The following MEG3 variants were observed in gnomAD, a reference collection of about 807,000 sequenced individuals.
The protein encoded by MEG3 is Very putative protein from MEG3 locus.
chr14:100,834,433 C>T (rs529533312), exon 1 of MEG3: 1 of 276,918 alleles, frequency 3.6e-6, no homozygotes, highest in Admixed American at 4.7e-5. Flanking sequence ...TAAAAACTTT[C>T]AAAAGTTAAC....
At chr14:100,850,730 G>A (rs1054706599) in intron 3 of MEG3, 4 of 152,216 alleles carry the variant, frequency 2.6e-5, no homozygotes, top group Non-Finnish European at 2.9e-5. Flanking sequence ...ATAATGTAAC[G>A]GTCAATAAAT....
chr14:100,836,171 G>A (rs541325942), exon 2 of MEG3: 30 of 454,648 alleles, frequency 6.6e-5, no homozygotes, highest in Middle Eastern at 3.3e-4. Context: ...CCCAAGGCAC[G>A]TGGGCCGTGG....
At chr14:100,836,242 C>T (rs964428853) in exon 2 of MEG3, 12 of 456,564 alleles carry the variant, frequency 2.6e-5, no homozygotes, top group Non-Finnish European at 4.8e-5. Context: ...TGATGGGGCC[C>T]ACCATCCCGG....
At chr14:100,846,292 G>A (rs575338484) in intron 3 of MEG3, 3 of 152,214 alleles carry the variant, frequency 2.0e-5, no homozygotes, top group African/African-American at 7.2e-5. Flanking sequence ...CATTCACCAC[G>A]GTCCAGAGGG....
intron 2 of MEG3, among the ~76,000 whole-genome samples, chr14:100,839,577 C>T (rs2139966398): frequency 6.6e-6 from 1 of 152,272 alleles, no homozygotes; most frequent in African/African-American, 2.4e-5. Flanking sequence ...GGGCTGCCCA[C>T]AGGTTCTTGG....
chr14:100,844,878 G>A (rs1200379730), intron 2 of MEG3, among the ~76,000 whole-genome samples: 1 of 152,190 alleles, frequency 6.6e-6, no homozygotes, highest in East Asian at 1.9e-4. Context: ...CTGAAGACTC[G>A]ATGTGCCTGG....
At chr14:100,860,728 CG>C (rs955286951) in intron 1 of MEG3, 3 of 456,448 alleles carry the variant, frequency 6.6e-6, no homozygotes, top group Non-Finnish European at 1.3e-5. Flanking sequence ...CCTATTCCCA[CG>C]GGACAGGCTG....
At chr14:100,830,338 G>A (rs892313120), downstream of MEG3, 5 of 114,838 alleles carry the variant, frequency 4.4e-5, no homozygotes, top group Middle Eastern at 4.1e-3. Context: ...TCTAAATGGA[G>A]ATTAAAACAC....
exon 1 of MEG3, chr14:100,834,767 G>T: frequency 2.2e-6 from 1 of 456,656 alleles, no homozygotes; most frequent in Non-Finnish European, 4.4e-6. Flanking sequence ...TGAATGAAAG[G>T]ACTCGACCAC....
exon 1 of MEG3, chr14:100,834,505 C>T (rs952257716): frequency 9.1e-6 from 3 of 329,110 alleles, no homozygotes; most frequent in South Asian, 2.5e-5. Flanking sequence ...AGAGGGGTCT[C>T]GTTGCTCCCT....
chr14:100,842,933 C>T (rs557989063), intron 2 of MEG3, among the ~76,000 whole-genome samples: 8 of 152,288 alleles, frequency 5.3e-5, no homozygotes, highest in South Asian at 4.2e-4. Context: ...AAGGAGGCCT[C>T]GTGTTTTTCT....
upstream of MEG3, chr14:100,853,254 C>T (rs745500194): frequency 1.3e-5 from 2 of 152,176 alleles, no homozygotes; most frequent in Non-Finnish European, 2.9e-5. Context: ...GCTCCCCACA[C>T]ACAAATCCTT....
chr14:100,830,585 AAT>A (rs1297785584), downstream of MEG3: 3 of 152,162 alleles, frequency 2.0e-5, no homozygotes, highest in Non-Finnish European at 4.4e-5. Context: ...TCAATTAAGA[AAT>A]TCCAGAATAA....
In MEG3 at chr14:100,836,128, T is replaced by A. The variant is rs75202728; in HGVS notation, n.2912-39T>A. The A allele has an allele frequency of 4.9e-3, 2,066 of 422,938 alleles. 43 individuals carry two copies. The highest frequency in any genetic ancestry group is 0.04 in the African/African-American group (1,917 of 48,012). 26.2% of individuals were successfully genotyped at this position (422,938 alleles called of 1,614,324 possible). A position where few individuals can be genotyped will look rare whatever the true frequency, so the allele number is the denominator to read the frequency against. On this transcript the variant is annotated intron_variant and non_coding_transcript_variant, in intron 1 of 3. Coordinates refer to the MEG3 transcript ENST00000398461. ...GGTGTGTTTGGCTTTTCCGGGGCGC[T>A]TGCCTTGCCATGATTCTAACTCTCT...
chr14:100,827,053 TGCTG>T, intron 1 of MEG3, among the ~76,000 whole-genome samples: 1 of 151,532 alleles, frequency 6.6e-6, no homozygotes, highest in East Asian at 2.0e-4. Context: ...GGGGGTGTGT[TGCTG>T]GGGTCTGGAC....
rs145998249 is a variant in MEG3, at chr14:100,852,237, A to AGT, written n.3121+6706_3121+6707dup. On this transcript the variant is annotated intron_variant and non_coding_transcript_variant, in intron 3 of 3. Coordinates refer to the MEG3 transcript ENST00000398461. ...TTGAGGTCTGAGCTGATGGCAGCAA[A>AGT]GTGGGGTGCTCAGGAATCAAAGCTA... 7.4e-3 allele frequency: 3,323 copies of AGT among 451,298 alleles called. 164 individuals are homozygous for AGT. The highest frequency in any genetic ancestry group is 0.068 in the Admixed American group (2,922 of 43,100). 28.0% of individuals were successfully genotyped at this position (451,298 alleles called of 1,614,324 possible).
At chr14:100,854,695 T>C (rs1015392254), upstream of MEG3, 3 of 152,488 alleles carry the variant, frequency 2.0e-5, no homozygotes, top group Non-Finnish European at 4.4e-5. Context: ...TACAATCAGT[T>C]AGTGGCCTTC....
chr14:100,828,515 G>C (rs1325066346), intron 1 of MEG3, among the ~76,000 whole-genome samples: 1 of 79,900 alleles, frequency 1.3e-5, no homozygotes, highest in Non-Finnish European at 2.4e-5. Flanking sequence ...CCCTCTCCCT[G>C]CCCCCCTCCT....
chr14:100,850,913 C>T (rs890848154), intron 3 of MEG3: 7 of 152,262 alleles, frequency 4.6e-5, no homozygotes, highest in Non-Finnish European at 2.9e-5. Flanking sequence ...GAGGAAGGAA[C>T]CTTCTTTCCA....
Sources: gnomAD v4.1 joint callset for allele counts (sites outside exome capture counted in the v4.1 genomes callset) on GRCh38, gnomAD v4.1.1 for gene constraint, MANE v1.5 for transcripts, NCBI Gene and HGNC (gene_info 2026-07-23, HGNC 2026-07-21) for gene names.